SEMA6D: variants seen among roughly 807,000 people sequenced by gnomAD.
The protein encoded by SEMA6D is semaphorin-6D.
SEMA6D carries 35 observed loss-of-function variants against 106.6 expected under a neutral mutation model. The observed-to-expected ratio is 0.33, with a 90% CI of 0.25 to 0.44. SEMA6D has a LOEUF of 0.44. SEMA6D is among the 20% of genes least tolerant of loss of function. SEMA6D has a pLI of 1.00. For missense variants in SEMA6D, 1,185 were observed against 1,345.9 expected, an observed-to-expected ratio of 0.88 and a Z score of 1.87; for synonymous variants, 499 against 487.7, an observed-to-expected ratio of 1.02 and a Z score of -0.31.
rs552094692 is a variant in SEMA6D at position 47,295,069 on chromosome 15, G to A, written c.-239+110651G>A. ...AAGAGAAGCAGAAAGACAATAGGCCGGCAAGAGGGGGCATCAGGTTTGAAG... is the reference window on the plus strand; with the variant it reads ...AAGAGAAGCAGAAAGACAATAGGCCAGCAAGAGGGGGCATCAGGTTTGAAG... On this transcript the variant is annotated intron_variant, in intron 1 of 19. Coordinates refer to the SEMA6D transcript ENST00000558014. Among the ~76,000 whole-genome samples the A allele has an allele frequency of 3.9e-5, 6 of 152,252 alleles. No individual in the cohort carries two copies. In the South Asian group the frequency reaches 6.2e-4, roughly 16 times the overall value.
chr15:47,683,443 C>T (rs2078402029), intron 4 of SEMA6D, among the ~76,000 whole-genome samples: 2 of 152,128 alleles, frequency 1.3e-5, no homozygotes, highest in South Asian at 4.1e-4. Flanking sequence ...CACCGAAAAG[C>T]GCTAATGTCC....
At chr15:47,383,511 C>T (rs2039714057) in intron 1 of SEMA6D, among the ~76,000 whole-genome samples, 1 of 152,158 alleles carries the variant, frequency 6.6e-6, no homozygotes, top group Admixed American at 6.5e-5. Flanking sequence ...TGAGATCAGG[C>T]TTCTGGTATT....
chr15:47,230,165 T>C (rs994398367), intron 1 of SEMA6D, among the ~76,000 whole-genome samples: 4 of 152,098 alleles, frequency 2.6e-5, no homozygotes, highest in Admixed American at 6.6e-5. Flanking sequence ...AAAACTTTTA[T>C]CTTAACCTAT....
chr15:47,741,986 C>G (rs548680300), intron 1 of SEMA6D, among the ~76,000 whole-genome samples: 1 of 152,160 alleles, frequency 6.6e-6, no homozygotes, highest in Non-Finnish European at 1.5e-5. Flanking sequence ...CTGAGACTGG[C>G]GCTGGGTCCT....
At chr15:47,695,993 T>C (rs2078690875) in intron 4 of SEMA6D, among the ~76,000 whole-genome samples, 2 of 152,202 alleles carry the variant, frequency 1.3e-5, no homozygotes, top group South Asian at 2.1e-4. Flanking sequence ...CATAAACATA[T>C]TTACCGATGT....
chr15:47,473,909 T>C (rs79595882), intron 3 of SEMA6D, among the ~76,000 whole-genome samples: 6,101 of 152,088 alleles, frequency 0.04, 412 homozygotes, highest in African/African-American at 0.14. Flanking sequence ...CAATTCTGGC[T>C]CTTACATGGG....
chr15:47,245,370 T>C (rs902509773), intron 1 of SEMA6D, among the ~76,000 whole-genome samples: 2 of 152,234 alleles, frequency 1.3e-5, no homozygotes, highest in Admixed American at 6.5e-5. Flanking sequence ...GTAGCCATCC[T>C]GATGGACTTT....
At chr15:47,756,341 T>C (rs1476424239) in intron 1 of SEMA6D, among the ~76,000 whole-genome samples, 1 of 152,164 alleles carries the variant, frequency 6.6e-6, no homozygotes, top group African/African-American at 2.4e-5. Context: ...ATTGCTTTTT[T>C]TTTTTCCACC....
chr15:47,389,318 C>A (rs979183053), intron 1 of SEMA6D, among the ~76,000 whole-genome samples: 1 of 152,102 alleles, frequency 6.6e-6, no homozygotes, highest in African/African-American at 2.4e-5. Context: ...TAGGAGCCAC[C>A]TTAAGGAGAC....
intron 1 of SEMA6D, among the ~76,000 whole-genome samples, chr15:47,323,217 C>T (rs1040572394): frequency 1.3e-5 from 2 of 152,068 alleles, no homozygotes. Context: ...AGGAGTGTTA[C>T]AGCCCTTTGA....
At chr15:47,367,122 A>T (rs1057481731) in intron 1 of SEMA6D, among the ~76,000 whole-genome samples, 1 of 152,224 alleles carries the variant, frequency 6.6e-6, no homozygotes, top group African/African-American at 2.4e-5. Flanking sequence ...GGTGAGTTTG[A>T]CATGAGACAG....
At chr15:47,354,827 A>C (rs2038500834) in intron 1 of SEMA6D, among the ~76,000 whole-genome samples, 2 of 152,126 alleles carry the variant, frequency 1.3e-5, no homozygotes, top group African/African-American at 2.4e-5. Flanking sequence ...GCTCACCGGC[A>C]GGAAAAAAAG....
At chr15:47,467,179 A>T (rs191331314) in intron 2 of SEMA6D, among the ~76,000 whole-genome samples, 1 of 152,266 alleles carries the variant, frequency 6.6e-6, no homozygotes, top group Non-Finnish European at 1.5e-5. Context: ...AGACCTGGAA[A>T]ACTGTGAGTT....
At chr15:47,583,507 C>T (rs1261756284) in intron 3 of SEMA6D, among the ~76,000 whole-genome samples, 1 of 152,106 alleles carries the variant, frequency 6.6e-6, no homozygotes, top group Non-Finnish European at 1.5e-5. Flanking sequence ...ACCACAAAGC[C>T]CTCACCCCAA....
intron 1 of SEMA6D, among the ~76,000 whole-genome samples, chr15:47,187,791 C>G (rs1395635114): frequency 1.4e-5 from 2 of 138,886 alleles, no homozygotes; most frequent in African/African-American, 2.6e-5. Flanking sequence ...AGAGAACTTA[C>G]TGTTGAAAAC....
chr15:47,637,803 G>C (rs775074453), intron 4 of SEMA6D, among the ~76,000 whole-genome samples: 1 of 152,180 alleles, frequency 6.6e-6, no homozygotes, highest in Non-Finnish European at 1.5e-5. Context: ...GGAATATCCA[G>C]TGCTTCCATG....
intron 1 of SEMA6D, among the ~76,000 whole-genome samples, chr15:47,724,556 C>G (rs1284575510): frequency 6.6e-6 from 1 of 150,846 alleles, no homozygotes; most frequent in East Asian, 2.0e-4. Context: ...AGGATTTGGA[C>G]AGGTGGACAG....
rs549690589 is a variant in SEMA6D, at chr15:47,602,990, C to G, written c.-55+2094C>G. 2.6e-5 allele frequency among the ~76,000 whole-genome samples: 4 copies of G among 152,196 alleles called. No individual in the cohort carries two copies. In the South Asian group the frequency reaches 8.3e-4, roughly 32 times the overall value. On this transcript the variant is annotated intron_variant, in intron 4 of 19. Transcript: ENST00000558014. ...AGGCAAGAGGATAAGCTTTGGATAA[C>G]AGAACTCAGAGAATGAGAAATGGAA...
chr15:47,228,137 T>TACACACACACACAC (rs72361942), intron 1 of SEMA6D, among the ~76,000 whole-genome samples: 3 of 135,080 alleles, frequency 2.2e-5, no homozygotes, highest in Admixed American at 1.5e-4. Context: ...TGTGTGTGTG[T>TACACACACACACAC]ACACACACAC....
Sources: allele counts gnomAD v4.1 joint callset (sites outside exome capture counted in the v4.1 genomes callset), GRCh38; gene constraint gnomAD v4.1.1; transcripts MANE v1.5; gene names NCBI Gene and HGNC (gene_info 2026-07-23, HGNC 2026-07-21).